The following ASNS variants were observed in gnomAD, a reference collection of about 807,000 sequenced individuals.
ASNS encodes asparagine synthetase (glutamine-hydrolyzing).
In ASNS, 37 loss-of-function variants were observed where a neutral mutation model predicts 62.6. The observed-to-expected ratio is 0.59, with a 90% CI of 0.45 to 0.78. ASNS has a LOEUF of 0.78. Among genes scored for constraint, ASNS ranks in the 30% least tolerant of loss-of-function variants. ASNS has a pLI of 0.00. For synonymous variants in ASNS, 207 were observed against 237.9 expected (o/e 0.87, Z 1.19); for missense variants, 520 against 682.4 (o/e 0.76, Z 2.65).
upstream of ASNS, among the ~76,000 whole-genome samples, chr7:97,876,662 A>G (rs1378112128): frequency 4.0e-5 from 6 of 151,758 alleles, no homozygotes; most frequent in Non-Finnish European, 8.8e-5. Flanking sequence ...TCTTGACCTC[A>G]TGATCCACCC....
At chr7:97,908,421 G>A in the ASNS span, 1 of 152,132 alleles carries the variant, frequency 6.6e-6, no homozygotes, top group Non-Finnish European at 1.5e-5. Context: ...ACCCATTTTG[G>A]TGGTGGTTAA....
Position 97,856,782 on chromosome 7 carries a change from ACTTC to A in ASNS, c.934_937del (p.Glu312SerfsTer31). 1 of 1,612,384 alleles carries A rather than the reference ACTTC, an allele frequency of 6.2e-7. No homozygotes were observed. Among genetic ancestry groups the A allele is most frequent in the East Asian group, 2.2e-5 (1 of 44,838 alleles). ...AATGCCTTCCTCAGAGTTAAAAAGG[ACTTC>A]ATAATGTTCACTTCCAATATGATCT... is the stretch of plus-strand genomic sequence containing the variant. On this transcript the variant is annotated frameshift_variant, in exon 8 of 13. Coordinates refer to ENST00000394308, the MANE Select transcript of ASNS (RefSeq NM_001673.5). LOFTEE classifies it high-confidence loss of function.
the ASNS span, among the ~76,000 whole-genome samples, chr7:97,894,894 C>A: frequency 6.6e-6 from 1 of 152,188 alleles, no homozygotes; most frequent in African/African-American, 2.4e-5. Flanking sequence ...ACCCTGATAT[C>A]CAATCAAGAC....
rs1361985449 is a variant in ASNS at position 97,858,933 on chromosome 7, C to T, written c.696G>A (p.Lys232=). The change falls in exon 6 of 13, where the codon AAG becomes AAA. Residue 232 remains lysine (K), a synonymous_variant. Transcript: ENST00000394308. ...TATTAAAAAGGATCCTGAGGTTGTT[C>T]TTCACAGTTTCTATCTCAAAACCTA... ...LFPGFEIETV[K]NNLRILFNNA... is the part of the protein sequence containing the mutation. The T allele has an allele frequency of 1.2e-6, 2 of 1,613,214 alleles. No individual in the cohort carries two copies. The highest frequency in any genetic ancestry group is 1.7e-6 in the Non-Finnish European group (2 of 1,179,828).
chr7:97,913,697 A>G, the ASNS span, among the ~76,000 whole-genome samples: 26 of 151,604 alleles, frequency 1.7e-4, no homozygotes, highest in Admixed American at 3.3e-4. Flanking sequence ...GAGCCCAGGG[A>G]ATCAGATTCC....
chr7:97,851,836 A>G lies in ASNS; in HGVS notation c.*423T>C, dbSNP rs1292037137. 8 of 180,476 alleles carry G rather than the reference A, an allele frequency of 4.4e-5. No homozygotes were observed. The highest frequency in any genetic ancestry group is 9.4e-5 in the Non-Finnish European group (8 of 85,176). The allele number at this position is 180,476 out of a possible 1,614,324, so 11.2% of individuals were successfully genotyped here. A position where few individuals can be genotyped will look rare whatever the true frequency, so the allele number is the denominator to read the frequency against. On this transcript the variant is annotated 3_prime_UTR_variant, in exon 13 of 13. Coordinates refer to ENST00000394308, the MANE Select transcript of ASNS (RefSeq NM_001673.5). ...TAGAGCTGTGATGAACTCCTATAGAAGATTCAAGTCTGAGTCTGCCTAGGC... is the reference window on the plus strand; with the variant it reads ...TAGAGCTGTGATGAACTCCTATAGAGGATTCAAGTCTGAGTCTGCCTAGGC...
chr7:97,857,161 G>C (rs1791482228), intron 7 of ASNS, among the ~76,000 whole-genome samples: 1 of 151,958 alleles, frequency 6.6e-6, no homozygotes, highest in Non-Finnish European at 1.5e-5. Flanking sequence ...GTCTTTTTTG[G>C]TCCTTCTTAA....
the ASNS span, among the ~76,000 whole-genome samples, chr7:97,904,284 TCA>T: frequency 2.3e-3 from 306 of 135,032 alleles, 1 homozygote; most frequent in African/African-American, 2.9e-3. Context: ...ACTACCAGTT[TCA>T]CACACACACA....
chr7:97,852,924 T>C, intron 12 of ASNS, 136 bp downstream of exon 12: 1 of 751,194 alleles, frequency 1.3e-6, no homozygotes, highest in East Asian at 2.9e-5. Context: ...ATCTGATGTA[T>C]GTATCATTCA....
chr7:97,905,080 T>C, the ASNS span, among the ~76,000 whole-genome samples: 1 of 152,158 alleles, frequency 6.6e-6, no homozygotes, highest in African/African-American at 2.4e-5. Flanking sequence ...TGGCTCTTTA[T>C]AGCTTGATTC....
the ASNS span, among the ~76,000 whole-genome samples, chr7:97,899,902 G>A: frequency 6.6e-6 from 1 of 152,164 alleles, no homozygotes; most frequent in Admixed American, 6.5e-5. Flanking sequence ...GTGGACCTGT[G>A]CTTTCATTTT....
chr7:97,877,037 TTAAG>T (rs1340795780), upstream of ASNS, among the ~76,000 whole-genome samples: 1 of 152,084 alleles, frequency 6.6e-6, no homozygotes, highest in Non-Finnish European at 1.5e-5. Flanking sequence ...ATAAAGATGA[TTAAG>T]TAAGAGGGAA....
At chr7:97,861,819 T>C (rs4729387) in intron 4 of ASNS, among the ~76,000 whole-genome samples, 55,108 of 152,084 alleles carry the variant, frequency 0.36, 11,896 homozygotes, top group African/African-American at 0.61. Context: ...TCCATTTATT[T>C]AGATCTCCTC....
chr7:97,883,046 G>A, the ASNS span, among the ~76,000 whole-genome samples: 4 of 152,170 alleles, frequency 2.6e-5, no homozygotes, highest in South Asian at 2.1e-4. Context: ...TCCTGCAGCC[G>A]CAGGCCAGAA....
chr7:97,880,248 C>T, the ASNS span, among the ~76,000 whole-genome samples: 1 of 151,808 alleles, frequency 6.6e-6, no homozygotes, highest in Non-Finnish European at 1.5e-5. Context: ...CCTCAGCCTC[C>T]TGAGTAGCTG....
the ASNS span, among the ~76,000 whole-genome samples, chr7:97,920,856 T>C: frequency 1.3e-5 from 2 of 152,396 alleles, no homozygotes; most frequent in African/African-American, 4.8e-5. Flanking sequence ...CCACTTCTTG[T>C]GCTTGCAGAA....
the ASNS span, chr7:97,906,315 A>G: frequency 2.5e-6 from 1 of 405,874 alleles, no homozygotes; most frequent in Non-Finnish European, 4.8e-6. Flanking sequence ...GTGGAGCTCA[A>G]AGATTTGTAA....
intron 8 of ASNS, 41 bp from the exon 9 acceptor site, chr7:97,855,500 C>T (rs1584459846): frequency 6.8e-7 from 1 of 1,464,586 alleles, no homozygotes; most frequent in African/African-American, 1.4e-5. Context: ...GTCAACATAA[C>T]CTTCCACCAA....
the ASNS span, among the ~76,000 whole-genome samples, chr7:97,884,426 G>A: frequency 6.6e-6 from 1 of 152,130 alleles, no homozygotes; most frequent in African/African-American, 2.4e-5. Flanking sequence ...GATGGCACCT[G>A]TAATCCCAGC....
Sources: gnomAD v4.1 joint callset for allele counts (sites outside exome capture counted in the v4.1 genomes callset) on GRCh38, gnomAD v4.1.1 for gene constraint, MANE v1.5 for transcripts, NCBI Gene and HGNC (gene_info 2026-07-23, HGNC 2026-07-21) for gene names.